HSF2BP: variants seen among roughly 807,000 people sequenced by gnomAD.
The protein encoded by HSF2BP is heat shock transcription factor 2 binding protein.
In HSF2BP, 35 loss-of-function variants were observed where a neutral mutation model predicts 35.0. The ratio of observed to expected loss-of-function variants is 1.00; its 90% confidence interval spans 0.76 to 1.32. The LOEUF is 1.32. Ranked by LOEUF, HSF2BP falls within the 40% of genes most tolerant of loss-of-function variation. The pLI, the probability that HSF2BP is intolerant of heterozygous loss-of-function variation, is 0.00. For missense variants in HSF2BP, 326 were observed against 321.7 expected (o/e 1.01, Z -0.10); for synonymous variants, 114 against 117.4 (o/e 0.97, Z 0.18).
At chr21:43,622,634 AT>A (rs1384524752) in intron 6 of HSF2BP, among the ~76,000 whole-genome samples, 2 of 152,244 alleles carry the variant, frequency 1.3e-5, no homozygotes, top group African/African-American at 4.8e-5. Flanking sequence ...AATTGTAAAT[AT>A]CTATGCACCC....
At chr21:43,635,714 C>T (rs1425313595) in intron 4 of HSF2BP, among the ~76,000 whole-genome samples, 1 of 151,948 alleles carries the variant, frequency 6.6e-6, no homozygotes. Context: ...GTCAGGAGTT[C>T]AAGACTAGCC....
chr21:43,635,947 A>AC (rs1253394189), intron 4 of HSF2BP, among the ~76,000 whole-genome samples: 2 of 130,438 alleles, frequency 1.5e-5, no homozygotes, highest in African/African-American at 5.6e-5. Context: ...AAAAAAAAAA[A>AC]CAGAATCATA....
the HSF2BP span, among the ~76,000 whole-genome samples, chr21:43,498,846 TAC>T: frequency 6.0e-5 from 7 of 116,872 alleles, 1 homozygote; most frequent in East Asian, 4.3e-4. Flanking sequence ...ATTTTAAATG[TAC>T]ACACACACAC....
intron 2 of HSF2BP, 29 bp from the exon 3 acceptor site, chr21:43,656,766 T>C (rs1463118565): frequency 1.3e-6 from 2 of 1,590,480 alleles, no homozygotes; most frequent in East Asian, 4.5e-5. Flanking sequence ...CTTATTATAT[T>C]TCTCTTCACA....
chr21:43,467,873 AACACACCACACACACC>A, the HSF2BP span, among the ~76,000 whole-genome samples: 6 of 40,352 alleles, frequency 1.5e-4, no homozygotes, highest in East Asian at 1.5e-3. Context: ...ACACACACCA[AACACACCACACACACC>A]ACACACCACA....
intron 8 of HSF2BP, among the ~76,000 whole-genome samples, chr21:43,589,174 A>G (rs2081894925): frequency 6.6e-6 from 1 of 152,142 alleles, no homozygotes; most frequent in South Asian, 2.1e-4. Context: ...CTAGAGGGAA[A>G]CATTATCTTT....
intron 7 of HSF2BP, among the ~76,000 whole-genome samples, chr21:43,599,961 C>G (rs1273608336): frequency 6.6e-6 from 1 of 151,404 alleles, no homozygotes; most frequent in African/African-American, 2.4e-5. Context: ...TCCAAAAGAG[C>G]AACTTCCCAG....
chr21:43,623,790 T>G (rs888549092), intron 6 of HSF2BP, among the ~76,000 whole-genome samples: 1 of 152,128 alleles, frequency 6.6e-6, no homozygotes, highest in Non-Finnish European at 1.5e-5. Flanking sequence ...AACAGGTGAT[T>G]CCGCAAAAAA....
intron 6 of HSF2BP, among the ~76,000 whole-genome samples, chr21:43,621,202 A>G (rs1393331748): frequency 1.3e-5 from 2 of 152,226 alleles, no homozygotes; most frequent in East Asian, 1.9e-4. Context: ...AGGAACTCCA[A>G]TTCATCTGGT....
chr21:43,646,167 G>A (rs964823348), intron 3 of HSF2BP, among the ~76,000 whole-genome samples: 2 of 149,144 alleles, frequency 1.3e-5, no homozygotes, highest in Non-Finnish European at 3.0e-5. Flanking sequence ...AAAAAAAAGT[G>A]GTTCTCAGAA....
intron 4 of HSF2BP, among the ~76,000 whole-genome samples, chr21:43,639,630 A>G (rs898007449): frequency 9.2e-5 from 14 of 152,226 alleles, no homozygotes; most frequent in African/African-American, 3.4e-4. Context: ...AAAATAGAAT[A>G]ACACCAAATA....
chr21:43,639,442 C>T (rs748038818), intron 4 of HSF2BP, among the ~76,000 whole-genome samples: 4 of 151,396 alleles, frequency 2.6e-5, no homozygotes, highest in Non-Finnish European at 4.4e-5. Flanking sequence ...AGAGCTCAAA[C>T]GCAAAAGTAA....
rs568176524 is a variant in HSF2BP, at chr21:43,652,828, A to G, written c.187+3759T>C. Among the ~76,000 whole-genome samples the G allele has an allele frequency of 2.6e-5, 4 of 152,134 alleles. No individual in the cohort carries two copies. In the South Asian group the frequency reaches 6.2e-4, roughly 24 times the overall value. On this transcript the variant is annotated intron_variant, in intron 3 of 8. Coordinates refer to ENST00000291560, the MANE Select transcript of HSF2BP (RefSeq NM_007031.2). ...GCACATGTGAGTTTCATGAGATAGG[A>G]CTGCAAACTAGAAAGAAGGGCATCA...
At chr21:43,605,941 C>T (rs567228913) in intron 7 of HSF2BP, among the ~76,000 whole-genome samples, 81 of 152,202 alleles carry the variant, frequency 5.3e-4, no homozygotes, top group African/African-American at 2.0e-3. Context: ...GCCATACGTG[C>T]CTCTGACACG....
At chr21:43,596,543 C>G (rs1237105415) in intron 7 of HSF2BP, among the ~76,000 whole-genome samples, 1 of 152,072 alleles carries the variant, frequency 6.6e-6, no homozygotes, top group Non-Finnish European at 1.5e-5. Context: ...GAATGGAAAG[C>G]AGCCAAAGGC....
intron 5 of HSF2BP, among the ~76,000 whole-genome samples, chr21:43,632,773 C>T (rs1236303444): frequency 6.6e-6 from 1 of 152,196 alleles, no homozygotes; most frequent in East Asian, 1.9e-4. Context: ...AGTAAGGCTT[C>T]CAGCCAACAG....
chr21:43,651,579 C>G (rs1363479584), intron 3 of HSF2BP, among the ~76,000 whole-genome samples: 3 of 152,076 alleles, frequency 2.0e-5, no homozygotes, highest in African/African-American at 7.3e-5. Context: ...TGGTTATTTC[C>G]ATGTGGTAAT....
intron 7 of HSF2BP, among the ~76,000 whole-genome samples, chr21:43,603,289 C>T (rs1364915916): frequency 6.6e-6 from 1 of 152,196 alleles, no homozygotes; most frequent in African/African-American, 2.4e-5. Context: ...TCCCAAGGTC[C>T]AGGCACAGCA....
rs1297817331 is a variant in HSF2BP, at chr21:43,597,498, C to A, written c.693-5170G>T. Among the ~76,000 whole-genome samples the A allele has an allele frequency of 3.9e-5, 6 of 151,976 alleles. No individual in the cohort carries two copies. The highest frequency in any genetic ancestry group is 1.3e-4 in the Admixed American group (2 of 15,264). On this transcript the variant is annotated intron_variant, in intron 7 of 8. Coordinates refer to ENST00000291560, the MANE Select transcript of HSF2BP (RefSeq NM_007031.2). This position sits in a 1 kb window ranked among gnomAD's most constrained non-coding sequence, Gnocchi z 4.3. ...ATTTTAAAAAAATATATTAAAAATG[C>A]CCTAATAAGCAAAACTTTAATTTTT...
Sources: gnomAD v4.1 joint callset for allele counts (sites outside exome capture counted in the v4.1 genomes callset) on GRCh38, gnomAD v4.1.1 for gene constraint, Gnocchi (gnomAD v3.1) non-coding constraint, MANE v1.5 for transcripts, NCBI Gene and HGNC (gene_info 2026-07-23, HGNC 2026-07-21) for gene names.